The following CENPV variants were observed in gnomAD, a reference collection of about 807,000 sequenced individuals.
CENPV encodes the protein centromere protein V.
In CENPV, 15 loss-of-function variants were observed where a neutral mutation model predicts 26.4. The ratio of observed to expected loss-of-function variants is 0.57; its 90% CI spans 0.38 to 0.88. CENPV has a LOEUF of 0.88. Ranked by LOEUF, CENPV falls within the 40% of genes least tolerant of loss-of-function variation. The pLI, the probability that CENPV is intolerant of heterozygous loss-of-function variation, is 0.00. For synonymous variants in CENPV, 172 were observed against 165.5 expected (o/e 1.04, Z -0.30); for missense variants, 336 against 376.5 (o/e 0.89, Z 0.89).
intron 3 of CENPV, chr17:16,347,711 T>A (rs922431984): frequency 4.0e-5 from 6 of 151,620 alleles, no homozygotes; most frequent in African/African-American, 1.5e-4. Flanking sequence ...GCAGAGACAG[T>A]GATGGGGTAA....
At chr17:16,352,792 G>A (rs2093233513) in intron 1 of CENPV, among the ~76,000 whole-genome samples, 2 of 151,926 alleles carry the variant, frequency 1.3e-5, no homozygotes, top group Non-Finnish European at 2.9e-5. Flanking sequence ...TCAAGCTCCG[G>A]ACGAAGCCCC....
chr17:16,342,729 C>T lies in CENPV; in HGVS notation c.*88G>A. The T allele has an allele frequency of 6.5e-7, 1 of 1,537,926 alleles. No individual in the cohort carries two copies. The highest frequency in any genetic ancestry group is 9.0e-7 in the Non-Finnish European group (1 of 1,116,976). ...CGGAACCAGCAGCCCAGGTCAGCCA[C>T]ATTCAGGAGCACCACCGAGGCACGG... On this transcript the variant is annotated 3_prime_UTR_variant, in exon 5 of 5. Transcript: ENST00000299736.
intron 3 of CENPV, 135 bp downstream of exon 3, chr17:16,348,481 C>T: frequency 6.6e-7 from 1 of 1,505,756 alleles, no homozygotes; most frequent in South Asian, 1.3e-5. Flanking sequence ...CAACCTGAAA[C>T]CAAAGCCCGT....
At chr17:16,352,989 G>A (rs766806162) in intron 1 of CENPV, 38 bp downstream of exon 1, 1 of 1,513,852 alleles carries the variant, frequency 6.6e-7, no homozygotes, top group Non-Finnish European at 8.8e-7. Context: ...GGGTCCGCGT[G>A]GCAACGGCTC....
intron 1 of CENPV, chr17:16,350,637 G>C (rs2093224935): frequency 6.6e-6 from 1 of 152,210 alleles, no homozygotes; most frequent in South Asian, 2.1e-4. Flanking sequence ...ACTGCTCCGG[G>C]CCTCAAATAC....
intron 2 of CENPV, chr17:16,349,086 C>A (rs2093219521): frequency 1.0e-6 from 1 of 992,770 alleles, no homozygotes; most frequent in Non-Finnish European, 1.2e-6. Flanking sequence ...CCTCTTTCTT[C>A]ATCACCACGT....
At chr17:16,348,811 A>G in intron 2 of CENPV, 126 bp from the exon 3 acceptor site, 1 of 1,487,956 alleles carries the variant, frequency 6.7e-7, no homozygotes, top group Non-Finnish European at 9.0e-7. Context: ...TCCAGGGCCG[A>G]GGAGCTGGGG....
chr17:16,347,617 T>C (rs150635906), intron 3 of CENPV: 8 of 152,118 alleles, frequency 5.3e-5, no homozygotes, highest in African/African-American at 1.9e-4. Flanking sequence ...AAAGAAGAAA[T>C]TTCTAAATTG....
chr17:16,343,386 A>G (rs1413997783), intron 4 of CENPV, among the ~76,000 whole-genome samples: 1 of 152,130 alleles, frequency 6.6e-6, no homozygotes, highest in Non-Finnish European at 1.5e-5. Flanking sequence ...AGGCTGGAGT[A>G]CAATGGCGTG....
At chr17:16,349,569 A>C in intron 2 of CENPV, 4 of 1,016,400 alleles carry the variant, frequency 3.9e-6, no homozygotes, top group Non-Finnish European at 4.7e-6. Context: ...ACTCTCCCCA[A>C]CTCTAGACTT....
At chr17:16,350,220 G>T (rs2142901504) in intron 1 of CENPV, among the ~76,000 whole-genome samples, 191 bp from the exon 2 acceptor site, 1 of 152,204 alleles carries the variant, frequency 6.6e-6, no homozygotes, top group South Asian at 2.1e-4. Flanking sequence ...CTTTGTCCAT[G>T]AGCTCTCTTT....
intron 4 of CENPV, among the ~76,000 whole-genome samples, chr17:16,343,416 T>A (rs573223774): frequency 1.3e-5 from 2 of 152,268 alleles, no homozygotes; most frequent in African/African-American, 4.8e-5. Context: ...CACTGCAACC[T>A]CTGCCTTACG....
intron 1 of CENPV, among the ~76,000 whole-genome samples, chr17:16,352,094 G>C (rs1796420461): frequency 6.6e-6 from 1 of 152,196 alleles, no homozygotes; most frequent in Non-Finnish European, 1.5e-5. Context: ...GTAATTCTCA[G>C]GTTATGCAAT....
rs1204973708 is a variant in CENPV, at chr17:16,353,054, C to A, written c.383G>T (p.Gly128Val). ...FQKRQKLTSE[G>V]AAKLLLDTFE... ...GGTGTCTAGCAGGAGCTTGGCGGCACCCTCGGAGGTAAGCTTCTGCCGCTT... is the reference window on the plus strand; with the variant it reads ...GGTGTCTAGCAGGAGCTTGGCGGCAACCTCGGAGGTAAGCTTCTGCCGCTT... Residue 128 changes from glycine (G) to valine (V), a missense_variant, in exon 1 of 5, where the codon GGT becomes GTT. Gly to Val is a moderately radical substitution (Grantham distance 109). Coordinates refer to ENST00000299736, the MANE Select transcript of CENPV (RefSeq NM_181716.3). 1.9e-6 allele frequency: 3 copies of A among 1,579,342 alleles called. No individual in the cohort carries two copies. The highest frequency in any genetic ancestry group is 2.8e-5 in the African/African-American group (2 of 71,190).
At chr17:16,344,787 T>G in intron 3 of CENPV, 76 bp from the exon 4 acceptor site, 1 of 854,408 alleles carries the variant, frequency 1.2e-6, no homozygotes, top group Non-Finnish European at 1.7e-6. Flanking sequence ...TATTTATTTA[T>G]TGAGACAGAG....
chr17:16,345,969 T>C (rs975355813), intron 3 of CENPV, among the ~76,000 whole-genome samples: 1 of 152,170 alleles, frequency 6.6e-6, no homozygotes, highest in African/African-American at 2.4e-5. Context: ...AACGGGAGAC[T>C]GGACAAAGGA....
In CENPV at chr17:16,350,285, G is replaced by A. The variant is rs373311062; in HGVS notation, c.411-256C>T. Among the ~76,000 whole-genome samples, 14 of 151,698 alleles carry A rather than the reference G, an allele frequency of 9.2e-5. No homozygotes were observed. In the East Asian group the frequency reaches 1.9e-3, roughly 21 times the overall value. On this transcript the variant is annotated intron_variant, in intron 1 of 4. Coordinates refer to ENST00000299736, the MANE Select transcript of CENPV (RefSeq NM_181716.3). ...CAAAATAAAACATTCCAAACATTTC[G>A]AAAATGTGAGGGATCCTAACCCACC...
At position 16,349,690 on chromosome 17, in the gene CENPV, C is replaced by T. The variant is rs2093221575; in HGVS notation, c.509+241G>A. 4 of 1,257,900 alleles carry T rather than the reference C, an allele frequency of 3.2e-6. No homozygotes were observed. In the South Asian group the frequency reaches 8.9e-5, roughly 28 times the overall value. 77.9% of individuals were successfully genotyped at this position (1,257,900 alleles called of 1,614,324 possible). ...AGTCTGAGGGTGATGCTGCCACAAG[C>T]CACAAGCCCTGAGGACCCTGCTCTG... is the stretch of plus-strand genomic sequence containing the variant. On this transcript the variant is annotated intron_variant, in intron 2 of 4. Coordinates refer to ENST00000299736, the MANE Select transcript of CENPV (RefSeq NM_181716.3).
intron 4 of CENPV, among the ~76,000 whole-genome samples, chr17:16,344,149 T>C (rs2093194813): frequency 6.6e-6 from 1 of 152,054 alleles, no homozygotes; most frequent in African/African-American, 2.4e-5. Flanking sequence ...AGCCAGCCAG[T>C]CCTGCCTAAT....
Sources: gnomAD v4.1 joint callset for allele counts (sites outside exome capture counted in the v4.1 genomes callset) on GRCh38, gnomAD v4.1.1 for gene constraint, MANE v1.5 for transcripts, NCBI Gene and HGNC (gene_info 2026-07-23, HGNC 2026-07-21) for gene names.